The following TUBGCP3 variants were observed in gnomAD, a reference collection of about 807,000 sequenced individuals.
TUBGCP3 encodes gamma-tubulin complex component 3.
Under a neutral mutation model 123.1 loss-of-function variants are expected in TUBGCP3, and 50 were observed. The observed-to-expected ratio is 0.41, with a 90% CI of 0.32 to 0.51. The LOEUF (loss-of-function observed/expected upper bound fraction) is 0.51, where lower values mean the gene tolerates loss of function less well. TUBGCP3 is among the 20% of genes least tolerant of loss of function. The pLI is 0.36. For synonymous variants in TUBGCP3, 405 were observed against 413.9 expected, an observed-to-expected ratio of 0.98 and a Z score of 0.26; for missense variants, 882 against 1,127.0, an observed-to-expected ratio of 0.78 and a Z score of 3.11.
chr13:112,488,982 C>A (rs1260791167), intron 21 of TUBGCP3, among the ~76,000 whole-genome samples: 2 of 134,538 alleles, frequency 1.5e-5, no homozygotes, highest in Non-Finnish European at 1.6e-5. Context: ...AAAGGGGTCA[C>A]CCCCAGGTCC....
At chr13:112,581,640 C>A (rs1882283063) in intron 1 of TUBGCP3, among the ~76,000 whole-genome samples, 1 of 152,040 alleles carries the variant, frequency 6.6e-6, no homozygotes, top group African/African-American at 2.4e-5. Context: ...CAGACAGGGT[C>A]TTACCATGTT....
chr13:112,595,333 A>G, the TUBGCP3 span, among the ~76,000 whole-genome samples: 1 of 152,034 alleles, frequency 6.6e-6, no homozygotes, highest in African/African-American at 2.4e-5. Context: ...AGTAGCTGGG[A>G]CTACAGGCAC....
intron 16 of TUBGCP3, among the ~76,000 whole-genome samples, chr13:112,517,799 G>A (rs775369003): frequency 6.6e-6 from 1 of 152,134 alleles, no homozygotes; most frequent in Non-Finnish European, 1.5e-5. Context: ...GGTGAGGCAG[G>A]AGAATCGCTT....
Position 112,547,763 on chromosome 13 carries a change from A to G in TUBGCP3, c.1036-11T>C. 3 of 1,454,324 alleles carry G rather than the reference A, an allele frequency of 2.1e-6. No individual in the cohort carries two copies. The highest frequency in any genetic ancestry group is 2.7e-6 in the Non-Finnish European group (3 of 1,099,344). 90.1% of individuals were successfully genotyped at this position (1,454,324 alleles called of 1,614,324 possible). ...ATCCTCTAGTTGTAGCTAAAAAACA[A>G]TAAAGATAGAAATGTTTAAGTACAA... On this transcript the variant is annotated splice_polypyrimidine_tract_variant and intron_variant, in intron 9 of 21. Transcript: ENST00000261965.
At chr13:112,537,727 TA>T (rs1470825368) in intron 11 of TUBGCP3, among the ~76,000 whole-genome samples, 1 of 152,228 alleles carries the variant, frequency 6.6e-6, no homozygotes, top group Non-Finnish European at 1.5e-5. Flanking sequence ...GTTAATTCTT[TA>T]AATATTTGGT....
intron 14 of TUBGCP3, chr13:112,521,871 G>C (rs921543814): frequency 1.0e-6 from 1 of 985,118 alleles, no homozygotes; most frequent in Non-Finnish European, 1.2e-6. Context: ...AACTCTGGAA[G>C]GGAAGATGCC....
At chr13:112,598,818 C>T in the TUBGCP3 span, among the ~76,000 whole-genome samples, 7 of 152,008 alleles carry the variant, frequency 4.6e-5, no homozygotes, top group East Asian at 1.4e-3. Context: ...GTGGCGCACG[C>T]CTGTATAGTC....
chr13:112,604,381 T>C, the TUBGCP3 span: 2 of 152,276 alleles, frequency 1.3e-5, no homozygotes, highest in East Asian at 3.8e-4. Context: ...CACTGCAGCA[T>C]TGACCTCCCA....
the TUBGCP3 span, among the ~76,000 whole-genome samples, chr13:112,596,049 C>T: frequency 0.17 from 25,623 of 151,986 alleles, 3,370 homozygotes; most frequent in African/African-American, 0.36. Flanking sequence ...TGTGAATGAA[C>T]GCAATCTCCT....
intron 5 of TUBGCP3, 51 bp downstream of exon 5, chr13:112,558,142 AGGC>A: frequency 2.0e-6 from 3 of 1,534,570 alleles, no homozygotes; most frequent in Non-Finnish European, 2.6e-6. Flanking sequence ...AACAGCCTGC[AGGC>A]GTCTCTGTTT....
At chr13:112,553,588 G>A (rs61962885) in intron 8 of TUBGCP3, among the ~76,000 whole-genome samples, 1 of 152,226 alleles carries the variant, frequency 6.6e-6, no homozygotes, top group Non-Finnish European at 1.5e-5. Context: ...ACCCAGGGCT[G>A]TCCAGACAGC....
At chr13:112,494,445 T>C (rs1473391796) in intron 20 of TUBGCP3, among the ~76,000 whole-genome samples, 2 of 152,228 alleles carry the variant, frequency 1.3e-5, no homozygotes, top group South Asian at 2.1e-4. Context: ...TATTTTGAGC[T>C]GTTTAAAATT....
In TUBGCP3 at chr13:112,545,825, G is replaced by A. The variant is rs1566565818; in HGVS notation, c.1209C>T (p.Tyr403=). The A allele has an allele frequency of 1.3e-5, 21 of 1,614,186 alleles. No individual in the cohort carries two copies. The highest frequency in any genetic ancestry group is 1.5e-5 in the Non-Finnish European group (18 of 1,180,026). The part of the protein sequence containing the change: ...GGELASAVHA[Y]TKTGDPYMRS... ...GCATGTACGGGTCTCCTGTTTTTGT[G>A]TAGGCGTGGACAGCTGAGGCCAGCT... Residue 403 remains tyrosine, a synonymous_variant, in exon 11 of 22, where the codon TAC becomes TAT. Transcript: ENST00000261965. The surrounding 1 kb of genome is among the most constrained non-coding windows in gnomAD (Gnocchi z 4.1).
At chr13:112,573,611 T>C (rs1344256655) in intron 1 of TUBGCP3, among the ~76,000 whole-genome samples, 1 of 152,172 alleles carries the variant, frequency 6.6e-6, no homozygotes, top group African/African-American at 2.4e-5. Flanking sequence ...GGGAGAAGAA[T>C]GTTCCCCACT....
the TUBGCP3 span, among the ~76,000 whole-genome samples, chr13:112,598,493 G>A: frequency 6.6e-6 from 1 of 151,876 alleles, no homozygotes; most frequent in African/African-American, 2.4e-5. Context: ...TAAAGAAGAC[G>A]GTAAATATTA....
intron 3 of TUBGCP3, among the ~76,000 whole-genome samples, chr13:112,561,508 CGA>C (rs1249212956): frequency 3.9e-5 from 6 of 152,182 alleles, no homozygotes; most frequent in Non-Finnish European, 8.8e-5. Flanking sequence ...AACGGACAAA[CGA>C]GAGATATAGC....
rs1566565691 is a variant in TUBGCP3, at chr13:112,545,773, GGCTGA to G, written c.1256_1260del (p.Leu419ProfsTer16). On this transcript the variant is annotated frameshift_variant, in exon 11 of 22. Transcript: ENST00000261965. LOFTEE classifies it high-confidence loss of function. This position sits in a 1 kb window ranked among gnomAD's most constrained non-coding sequence, Gnocchi z 4.1. ...AAGCTCAAAACAGGATGAGACACGA[GGCTGA>G]GGATGTGCTGCACCAGAGACCGCAT... 1 of 1,614,236 alleles carries G rather than the reference GGCTGA, an allele frequency of 6.2e-7. No individual in the cohort carries two copies. Among genetic ancestry groups the G allele is most frequent in the Non-Finnish European group, 8.5e-7 (1 of 1,180,034 alleles).
chr13:112,492,316 T>A (rs1309286423), intron 20 of TUBGCP3, among the ~76,000 whole-genome samples: 15 of 152,200 alleles, frequency 9.9e-5, no homozygotes, highest in Admixed American at 9.8e-4. Flanking sequence ...CTACTTCCCA[T>A]CTTTTCCCCA....
chr13:112,547,583 G>C, intron 10 of TUBGCP3, 37 bp downstream of exon 10: 1 of 1,444,706 alleles, frequency 6.9e-7, no homozygotes, highest in Non-Finnish European at 9.2e-7. Flanking sequence ...AAAGTCGCGC[G>C]TGGGAAAGAC....
Sources: allele counts gnomAD v4.1 joint callset (sites outside exome capture counted in the v4.1 genomes callset), GRCh38; gene constraint gnomAD v4.1.1; non-coding constraint Gnocchi (gnomAD v3.1); transcripts MANE v1.5; gene names NCBI Gene and HGNC (gene_info 2026-07-23, HGNC 2026-07-21).